The following CTDSPL variants were observed in gnomAD, a reference collection of about 807,000 sequenced individuals.
The protein encoded by CTDSPL is CTD small phosphatase-like protein.
CTDSPL carries 8 observed loss-of-function variants against 30.5 expected under a neutral mutation model. The observed-to-expected ratio is 0.26, with a 90% confidence interval of 0.15 to 0.47. The LOEUF (loss-of-function observed/expected upper bound fraction) is 0.47, where lower values mean the gene tolerates loss of function less well. Among genes scored for constraint, CTDSPL ranks in the 20% least tolerant of loss-of-function variants. CTDSPL has a pLI of 0.99. For synonymous variants in CTDSPL, 110 were observed against 137.9 expected (o/e 0.80, Z 1.42); for missense variants, 248 against 366.1 (o/e 0.68, Z 2.63).
intron 1 of CTDSPL, among the ~76,000 whole-genome samples, chr3:37,887,636 G>A (rs906099705): frequency 7.2e-5 from 11 of 152,302 alleles, no homozygotes; most frequent in Admixed American, 5.9e-4. Flanking sequence ...CATGTGAAGC[G>A]CTTAAAACAG....
In CTDSPL at chr3:37,975,626, G is replaced by A. The variant is rs928855865; in HGVS notation, c.520-83G>A. On this transcript the variant is annotated intron_variant, in intron 6 of 7. Transcript: ENST00000273179. The surrounding 1 kb of genome is among the most constrained non-coding windows in gnomAD (Gnocchi z 4.9). ...ATTATTAAATCCATTTTTAAAAAAC[G>A]TAATCTGGATCTTGCTGCTGTAGTT... 26 of 1,248,244 alleles carry A rather than the reference G, an allele frequency of 2.1e-5. No individual in the cohort carries two copies. The highest frequency in any genetic ancestry group is 5.7e-4 in the Middle Eastern group (2 of 3,504). The allele number at this position is 1,248,244 out of a possible 1,614,324, so 77.3% of individuals were successfully genotyped here.
rs1394985509 is a variant in CTDSPL at position 37,982,815 on chromosome 3, A to G, written c.*1948A>G. On this transcript the variant is annotated 3_prime_UTR_variant, in exon 8 of 8. Coordinates refer to ENST00000273179, the MANE Select transcript of CTDSPL (RefSeq NM_001008392.2). ...ATTTATTTGGAAAAGTAGTCATTAA[A>G]TGAACCCACTGCCTTAAATGTCTTG... 5.4e-6 allele frequency: 2 copies of G among 368,200 alleles called. No homozygotes were observed. Among genetic ancestry groups the G allele is most frequent in the Non-Finnish European group, 1.1e-5 (2 of 185,598 alleles). The allele number at this position is 368,200 out of a possible 1,614,324, so 22.8% of individuals were successfully genotyped here.
Position 37,967,899 on chromosome 3 carries a change from A to C in CTDSPL, c.426+17A>C, listed in dbSNP as rs1476033826. 1 of 1,557,624 alleles carries C rather than the reference A, an allele frequency of 6.4e-7. No homozygotes were observed. The highest frequency in any genetic ancestry group is 2.3e-5 in the East Asian group (1 of 44,262). On this transcript the variant is annotated intron_variant, in intron 5 of 7. Coordinates refer to ENST00000273179, the MANE Select transcript of CTDSPL (RefSeq NM_001008392.2). ...ATACATCAGGTAAGAAACTGAAGCT[A>C]AATTTGAGTTTCAATTAAGATTTTT...
At position 37,975,840 on chromosome 3, in the gene CTDSPL, A is replaced by C; in HGVS notation, c.651A>C (p.Lys217Asn). The C allele has an allele frequency of 6.2e-7, 1 of 1,614,174 alleles. No individual in the cohort carries two copies. Among genetic ancestry groups the C allele is most frequent in the South Asian group, 1.1e-5 (1 of 91,084 alleles). The change falls in exon 7 of 8, where the codon AAA becomes AAC. Residue 217 changes from lysine to asparagine, a missense_variant. Physicochemically the swap from Lys to Asn is moderately conservative, Grantham distance 94 (BLOSUM62 0). Coordinates refer to ENST00000273179, the MANE Select transcript of CTDSPL (RefSeq NM_001008392.2). The surrounding 1 kb of genome is among the most constrained non-coding windows in gnomAD (Gnocchi z 4.9). ...DLSRLGRELS[K>N]VIIVDNSPAS... is the part of the protein sequence containing the mutation. Reference sequence around the variant, plus strand: ...GTCGCCTTGGGCGGGAGCTGAGCAAAGTGATCATTGTTGACAATTCCCCTG... The same window carrying C: ...GTCGCCTTGGGCGGGAGCTGAGCAACGTGATCATTGTTGACAATTCCCCTG...
intron 1 of CTDSPL, among the ~76,000 whole-genome samples, chr3:37,944,101 G>A (rs1264505723): frequency 6.7e-6 from 1 of 149,992 alleles, no homozygotes; most frequent in African/African-American, 2.4e-5. Context: ...ATATGGTTTA[G>A]AAATAGCACA....
intron 1 of CTDSPL, among the ~76,000 whole-genome samples, chr3:37,892,346 A>G (rs773972585): frequency 1.3e-5 from 2 of 152,238 alleles, no homozygotes; most frequent in Non-Finnish European, 2.9e-5. Flanking sequence ...GGCACCTAAC[A>G]TTATAATAAT....
At position 37,862,117 on chromosome 3, in the gene CTDSPL, GC is replaced by G. The variant is rs895336164; in HGVS notation, c.-78del. The G allele has an allele frequency of 1.0e-5, 5 of 500,204 alleles. No homozygotes were observed. In the South Asian group the frequency reaches 3.5e-4, roughly 35 times the overall value. The allele number at this position is 500,204 out of a possible 1,614,324, so 31.0% of individuals were successfully genotyped here. ...GGCTGCGAGCGCCCCCCCGCGCCGC[GC>G]CCCCGCGCCCCCCGCGCCGCGCCCC... is the stretch of plus-strand genomic sequence containing the variant. On this transcript the variant is annotated 5_prime_UTR_variant, in exon 1 of 8. Coordinates refer to ENST00000273179, the MANE Select transcript of CTDSPL (RefSeq NM_001008392.2). This position sits in a 1 kb window ranked among gnomAD's most constrained non-coding sequence, Gnocchi z 4.3.
chr3:37,896,879 T>C (rs765377611), intron 1 of CTDSPL, among the ~76,000 whole-genome samples: 97 of 152,038 alleles, frequency 6.4e-4, no homozygotes, highest in Non-Finnish European at 1.2e-3. Flanking sequence ...ATGCAGGACT[T>C]TCAGGTGGGA....
intron 1 of CTDSPL, among the ~76,000 whole-genome samples, chr3:37,909,852 T>C (rs995947528): frequency 3.1e-4 from 47 of 152,232 alleles, no homozygotes; most frequent in Non-Finnish European, 8.8e-5. Context: ...CATGAACTAA[T>C]GCTAATGTAA....
intron 1 of CTDSPL, among the ~76,000 whole-genome samples, chr3:37,885,151 G>A (rs1484232978): frequency 2.0e-5 from 3 of 152,222 alleles, no homozygotes; most frequent in Non-Finnish European, 4.4e-5. Flanking sequence ...CTTGGGAGAA[G>A]AGTGAATTAG....
chr3:37,921,686 T>C (rs1698718492), intron 1 of CTDSPL, among the ~76,000 whole-genome samples: 1 of 151,892 alleles, frequency 6.6e-6, no homozygotes, highest in South Asian at 2.1e-4. Context: ...TGTGCTGATA[T>C]TGAACTATTA....
At chr3:37,874,419 A>C (rs1698110362) in intron 1 of CTDSPL, among the ~76,000 whole-genome samples, 1 of 152,184 alleles carries the variant, frequency 6.6e-6, no homozygotes, top group African/African-American at 2.4e-5. Context: ...CTCTGGCCAT[A>C]AATGAGTCTA....
Position 37,984,279 on chromosome 3 carries a change from C to T in CTDSPL, c.*3412C>T, listed in dbSNP as rs910395248. On this transcript the variant is annotated 3_prime_UTR_variant, in exon 8 of 8. Transcript: ENST00000273179. ...CTCTGCAGACTGACACACCCTCCCC[C>T]ACCCCGGGTAGTGGAGATGCTGGTG... 7 of 456,864 alleles carry T rather than the reference C, an allele frequency of 1.5e-5. No individual in the cohort carries two copies. The highest frequency in any genetic ancestry group is 2.6e-5 in the Non-Finnish European group (6 of 227,048). 28.3% of individuals were successfully genotyped at this position (456,864 alleles called of 1,614,324 possible).
Position 37,975,689 on chromosome 3 carries a change from T to C in CTDSPL, c.520-20T>C, listed in dbSNP as rs1296818882. ...GGCTCTTTTAAACACCCAGCCTTCA[T>C]TGTGACACGTCTTTTCCAGTATGCA... On this transcript the variant is annotated intron_variant, in intron 6 of 7. Coordinates refer to ENST00000273179, the MANE Select transcript of CTDSPL (RefSeq NM_001008392.2). The surrounding 1 kb of genome is among the most constrained non-coding windows in gnomAD (Gnocchi z 4.9). 3.1e-6 allele frequency: 5 copies of C among 1,587,760 alleles called. No homozygotes were observed. The highest frequency in any genetic ancestry group is 4.3e-6 in the Non-Finnish European group (5 of 1,162,124).
intron 1 of CTDSPL, among the ~76,000 whole-genome samples, chr3:37,899,747 A>G (rs914392432): frequency 6.6e-6 from 1 of 152,230 alleles, no homozygotes; most frequent in Admixed American, 6.5e-5. Flanking sequence ...TTGCATTCAC[A>G]GGCTATGTAG....
chr3:37,963,167 G>A (rs989591973), intron 3 of CTDSPL, among the ~76,000 whole-genome samples: 3 of 152,202 alleles, frequency 2.0e-5, no homozygotes, highest in Admixed American at 2.0e-4. Flanking sequence ...GAGATGGGAG[G>A]CCATAAAGGC....
intron 1 of CTDSPL, among the ~76,000 whole-genome samples, chr3:37,925,474 G>A (rs1698770700): frequency 6.6e-6 from 1 of 152,172 alleles, no homozygotes; most frequent in African/African-American, 2.4e-5. Flanking sequence ...GTTGGAGGCT[G>A]TGGGGCCTGC....
At chr3:37,885,972 G>A (rs914799189) in intron 1 of CTDSPL, among the ~76,000 whole-genome samples, 1 of 152,150 alleles carries the variant, frequency 6.6e-6, no homozygotes, top group African/African-American at 2.4e-5. Context: ...CAATCTCAGG[G>A]TCCTGGAGCT....
chr3:37,900,657 T>C (rs1464736683), intron 1 of CTDSPL, among the ~76,000 whole-genome samples: 3 of 152,188 alleles, frequency 2.0e-5, no homozygotes, highest in Admixed American at 6.5e-5. Flanking sequence ...TAATTTCTTA[T>C]ATATGTATAT....
Sources: gnomAD v4.1 joint callset for allele counts (sites outside exome capture counted in the v4.1 genomes callset) on GRCh38, gnomAD v4.1.1 for gene constraint, Gnocchi (gnomAD v3.1) non-coding constraint, MANE v1.5 for transcripts, NCBI Gene and HGNC (gene_info 2026-07-23, HGNC 2026-07-21) for gene names.